Variants in VMP1 observed in about 807,000 individuals in gnomAD.
VMP1 encodes vacuole membrane protein 1, also known as ectopic P-granules autophagy protein 3 homolog.
A neutral mutation model predicts 56.0 loss-of-function variants in VMP1; 11 were observed. The ratio of observed to expected loss-of-function variants is 0.20; its 90% CI spans 0.12 to 0.32. The LOEUF (loss-of-function observed/expected upper bound fraction) is 0.32. Among genes scored for constraint, VMP1 ranks in the 10% least tolerant of loss-of-function variants. The pLI is 1.00. For synonymous variants in VMP1, 149 were observed against 165.0 expected, an observed-to-expected ratio of 0.90 and a Z score of 0.74; for missense variants, 296 against 490.3, an observed-to-expected ratio of 0.60 and a Z score of 3.74.
chr17:59,812,222 CTATATA>C (rs1221251462), intron 9 of VMP1, among the ~76,000 whole-genome samples: 3 of 152,032 alleles, frequency 2.0e-5, no homozygotes, highest in Non-Finnish European at 4.4e-5. Context: ...TTCACATACT[CTATATA>C]TATAGAGTGT....
chr17:59,757,986 C>T (rs1349686542), intron 5 of VMP1, among the ~76,000 whole-genome samples: 1 of 149,260 alleles, frequency 6.7e-6, no homozygotes, highest in Non-Finnish European at 1.5e-5. Flanking sequence ...ACTACAGGTG[C>T]ACACCACCAT....
chr17:59,801,091 A>ATATATAT (rs1555623872), intron 7 of VMP1, among the ~76,000 whole-genome samples: 1 of 109,358 alleles, frequency 9.1e-6, no homozygotes, highest in African/African-American at 4.0e-5. Context: ...AAAAAAAAAA[A>ATATATAT]ATATATATAT....
At chr17:59,776,651 A>G (rs2036627428) in intron 7 of VMP1, among the ~76,000 whole-genome samples, 1 of 152,222 alleles carries the variant, frequency 6.6e-6, no homozygotes, top group African/African-American at 2.4e-5. Flanking sequence ...CATTACTGGT[A>G]TATTCCGATT....
At chr17:59,797,151 G>C (rs1568165823) in intron 7 of VMP1, among the ~76,000 whole-genome samples, 1 of 125,812 alleles carries the variant, frequency 7.9e-6, no homozygotes, top group South Asian at 2.8e-4. Context: ...GGCCAGCATG[G>C]TGAAACCCCC....
chr17:59,753,065 G>A (rs2777884), intron 5 of VMP1, among the ~76,000 whole-genome samples: 62,703 of 151,872 alleles, frequency 0.41, 14,768 homozygotes, highest in Non-Finnish European at 0.53. Context: ...GAGGCCGGGA[G>A]TTCAAGACCA....
Position 59,841,345 on chromosome 17 carries a change from A to G in VMP1, c.*1434A>G, listed in dbSNP as rs1364448024. ...TCGATGGGCTGTCTGACATTTTGGT[A>G]TCTTTCATCTGACCATCCATATCCA... On this transcript the variant is annotated 3_prime_UTR_variant, in exon 12 of 12. Transcript: ENST00000262291. 4.1e-5 allele frequency: 21 copies of G among 506,128 alleles called. No individual in the cohort carries two copies. The highest frequency in any genetic ancestry group is 4.1e-4 in the Admixed American group (21 of 51,254). 31.4% of individuals were successfully genotyped at this position (506,128 alleles called of 1,614,324 possible). A position where few individuals can be genotyped will look rare whatever the true frequency, so the allele number is the denominator to read the frequency against.
chr17:59,733,439 T>C (rs1423769735), intron 2 of VMP1, among the ~76,000 whole-genome samples: 1 of 152,136 alleles, frequency 6.6e-6, no homozygotes, highest in African/African-American at 2.4e-5. Flanking sequence ...GGCTCACATC[T>C]GTAATCCCAG....
At chr17:59,817,416 A>G (rs2038282439) in intron 9 of VMP1, among the ~76,000 whole-genome samples, 1 of 149,640 alleles carries the variant, frequency 6.7e-6, no homozygotes. Flanking sequence ...CAGTGGTGCA[A>G]TCTTGGCTCA....
intron 7 of VMP1, among the ~76,000 whole-genome samples, chr17:59,788,818 AAG>A (rs1491058088): frequency 1.9e-4 from 28 of 146,062 alleles, no homozygotes; most frequent in African/African-American, 5.9e-4. Context: ...AAAAAAAAAA[AAG>A]AAAGAAAGAA....
intron 1 of VMP1, among the ~76,000 whole-genome samples, chr17:59,726,291 G>GTTTTTTTTTTTTTTTTT (rs541555827): frequency 6.9e-6 from 1 of 145,056 alleles, no homozygotes; most frequent in Non-Finnish European, 1.5e-5. Context: ...AGTTTTTTTT[G>GTTTTTTTTTTTTTTTTT]TTTTTTTTTT....
chr17:59,771,649 C>T (rs1244188538), intron 6 of VMP1, among the ~76,000 whole-genome samples: 30 of 148,096 alleles, frequency 2.0e-4, no homozygotes, highest in African/African-American at 6.8e-4. Context: ...ACCTGTCACC[C>T]AAGCTGGAGT....
intron 5 of VMP1, among the ~76,000 whole-genome samples, chr17:59,759,529 T>A (rs2035965172): frequency 6.6e-6 from 1 of 152,248 alleles, no homozygotes; most frequent in Non-Finnish European, 1.5e-5. Flanking sequence ...CTTTTATCAT[T>A]TGTTCCTATG....
intron 7 of VMP1, among the ~76,000 whole-genome samples, chr17:59,794,517 ATTTTTTTTTTTTTTTTTT>A (rs71145572): frequency 1.6e-4 from 7 of 43,090 alleles, no homozygotes; most frequent in Non-Finnish European, 1.5e-4. Flanking sequence ...CGCGCCCTGC[ATTTTTTTTTTTTTTTTTT>A]TTTTTTTTTT....
chr17:59,744,322 C>T (rs535719087), intron 5 of VMP1, among the ~76,000 whole-genome samples: 3 of 151,296 alleles, frequency 2.0e-5, no homozygotes, highest in East Asian at 3.9e-4. Flanking sequence ...ATTAGCCAGG[C>T]GTGTTGACAG....
At chr17:59,813,024 CCT>C (rs1278000785) in intron 9 of VMP1, among the ~76,000 whole-genome samples, 1 of 152,082 alleles carries the variant, frequency 6.6e-6, no homozygotes, top group African/African-American at 2.4e-5. Context: ...TATGTTAATA[CCT>C]CTCTACTTCC....
chr17:59,804,685 C>G lies in VMP1; in HGVS notation c.715-4111C>G, dbSNP rs115613382. On this transcript the variant is annotated intron_variant, in intron 7 of 11. Coordinates refer to ENST00000262291, the MANE Select transcript of VMP1 (RefSeq NM_030938.5). ...AACAATAAAATATGTTCGTGTTTATCAAATCTAAACATTAAACTTTAGTTA... is the reference window on the plus strand; with the variant it reads ...AACAATAAAATATGTTCGTGTTTATGAAATCTAAACATTAAACTTTAGTTA... 1.9e-3 allele frequency among the ~76,000 whole-genome samples: 280 copies of G among 145,846 alleles called. 1 individual carries two copies. The highest frequency in any genetic ancestry group is 6.7e-3 in the African/African-American group (267 of 39,582).
chr17:59,755,581 T>A (rs550302929), intron 5 of VMP1, among the ~76,000 whole-genome samples: 2 of 152,302 alleles, frequency 1.3e-5, no homozygotes, highest in South Asian at 4.1e-4. Context: ...CCCTGTGACC[T>A]AGGTAACAAG....
At chr17:59,773,914 C>CTTT in intron 7 of VMP1, 29 bp downstream of exon 7, 1 of 1,546,044 alleles carries the variant, frequency 6.5e-7, no homozygotes, top group South Asian at 1.2e-5. Flanking sequence ...GAAAATAGAA[C>CTTT]ACTTTACTTC....
At chr17:59,826,361 T>C (rs551158643) in intron 10 of VMP1, among the ~76,000 whole-genome samples, 20 of 152,238 alleles carry the variant, frequency 1.3e-4, no homozygotes, top group Non-Finnish European at 2.8e-4. Context: ...TTTAGTAGCA[T>C]GATGAAAATT....
Sources: allele counts gnomAD v4.1 joint callset (sites outside exome capture counted in the v4.1 genomes callset), GRCh38; gene constraint gnomAD v4.1.1; transcripts MANE v1.5; gene names NCBI Gene and HGNC (gene_info 2026-07-23, HGNC 2026-07-21).